The following CSMD1 variants were observed in gnomAD, a reference collection of about 807,000 sequenced individuals.
CSMD1 encodes CUB and sushi domain-containing protein 1.
Under a neutral mutation model 417.5 loss-of-function variants are expected in CSMD1, and 213 were observed. The ratio of observed to expected loss-of-function variants is 0.51; its 90% CI spans 0.46 to 0.57. The LOEUF (loss-of-function observed/expected upper bound fraction) is 0.57, where lower values mean the gene tolerates loss of function less well. Ranked by LOEUF, CSMD1 falls within the 20% of genes least tolerant of loss-of-function variation. The pLI is 0.00. For missense variants in CSMD1, 6,923 were observed against 4,529.7 expected (o/e 1.53, Z -15.17); for synonymous variants, 2,862 against 1,736.8 (o/e 1.65, Z -16.11).
intron 3 of CSMD1, among the ~76,000 whole-genome samples, chr8:4,400,675 T>C (rs1364098212): frequency 2.0e-5 from 3 of 152,158 alleles, no homozygotes; most frequent in Non-Finnish European, 4.4e-5. Context: ...TTTTAGGCCG[T>C]TCAGGCTAAT....
chr8:3,704,137 G>A (rs1184405033), intron 7 of CSMD1, among the ~76,000 whole-genome samples: 1 of 152,100 alleles, frequency 6.6e-6, no homozygotes, highest in Non-Finnish European at 1.5e-5. Flanking sequence ...CCATCACTGT[G>A]GCAGAAGAAA....
chr8:4,752,280 A>C (rs368173982), intron 1 of CSMD1, among the ~76,000 whole-genome samples: 8 of 152,172 alleles, frequency 5.3e-5, no homozygotes, highest in African/African-American at 1.9e-4. Flanking sequence ...AATTTCATTT[A>C]TGAGCATTTA....
intron 5 of CSMD1, among the ~76,000 whole-genome samples, chr8:3,812,823 G>C (rs1431658641): frequency 6.6e-6 from 1 of 152,098 alleles, no homozygotes; most frequent in Non-Finnish European, 1.5e-5. Context: ...AGGTTGCTAG[G>C]AGTTTTGAAA....
intron 1 of CSMD1, among the ~76,000 whole-genome samples, chr8:4,973,165 C>A (rs1322446527): frequency 6.6e-6 from 1 of 152,084 alleles, no homozygotes; most frequent in African/African-American, 2.4e-5. Flanking sequence ...TATCCAATAT[C>A]TTGCAGAACA....
chr8:3,427,113 G>A (rs773593028), intron 12 of CSMD1, among the ~76,000 whole-genome samples: 1 of 152,130 alleles, frequency 6.6e-6, no homozygotes, highest in Non-Finnish European at 1.5e-5. Flanking sequence ...CACTCTACTT[G>A]GCCTCTCCTT....
At chr8:4,232,145 T>C (rs1484041006) in intron 3 of CSMD1, among the ~76,000 whole-genome samples, 1 of 152,230 alleles carries the variant, frequency 6.6e-6, no homozygotes, top group Non-Finnish European at 1.5e-5. Flanking sequence ...TAGTTTCCTT[T>C]TCTAAACTTC....
intron 2 of CSMD1, among the ~76,000 whole-genome samples, chr8:4,459,309 G>T (rs964998681): frequency 6.6e-6 from 1 of 152,184 alleles, no homozygotes; most frequent in Non-Finnish European, 1.5e-5. Context: ...ATAAGGTGAA[G>T]GTTCTATGCC....
intron 1 of CSMD1, among the ~76,000 whole-genome samples, chr8:4,938,875 G>A (rs763035682): frequency 3.0e-4 from 45 of 152,268 alleles, no homozygotes; most frequent in Non-Finnish European, 6.0e-4. Flanking sequence ...GTTTTAATTT[G>A]CATTTTCCTG....
chr8:3,367,303 C>A, intron 19 of CSMD1, 56 bp from the exon 20 acceptor site: 1 of 1,226,080 alleles, frequency 8.2e-7, no homozygotes, highest in East Asian at 2.5e-5. Flanking sequence ...CACGGGGCGG[C>A]GGGGGCAGAG....
At chr8:4,415,424 G>C (rs553649242) in intron 3 of CSMD1, among the ~76,000 whole-genome samples, 1 of 151,974 alleles carries the variant, frequency 6.6e-6, no homozygotes. Context: ...GGCATTTAGC[G>C]CACGTGCTTT....
At chr8:4,115,489 T>A (rs1802086476) in intron 3 of CSMD1, among the ~76,000 whole-genome samples, 2 of 152,326 alleles carry the variant, frequency 1.3e-5, no homozygotes, top group South Asian at 4.1e-4. Context: ...GACGTATTTT[T>A]TTACAACTAA....
At chr8:4,633,413 A>T (rs1802648405) in intron 2 of CSMD1, among the ~76,000 whole-genome samples, 1 of 150,028 alleles carries the variant, frequency 6.7e-6, no homozygotes, top group African/African-American at 2.5e-5. Context: ...CGCCCAGCTA[A>T]TTTTTTTTTG....
chr8:4,888,735 C>T (rs986249543), intron 1 of CSMD1, among the ~76,000 whole-genome samples: 1 of 151,978 alleles, frequency 6.6e-6, no homozygotes, highest in Admixed American at 6.6e-5. Flanking sequence ...GCAGGCCAAG[C>T]CTGGGATATG....
intron 3 of CSMD1, among the ~76,000 whole-genome samples, chr8:4,373,730 G>T (rs775073082): frequency 2.6e-5 from 4 of 152,070 alleles, no homozygotes; most frequent in Non-Finnish European, 4.4e-5. Flanking sequence ...TTCCCTCCGG[G>T]GAAGGAACAC....
At chr8:3,082,902 C>T (rs1286335827) in intron 49 of CSMD1, among the ~76,000 whole-genome samples, 1 of 152,246 alleles carries the variant, frequency 6.6e-6, no homozygotes, top group South Asian at 2.1e-4. Context: ...TCTCATGTCC[C>T]AGCTTTATAT....
rs1246145317 is a variant in CSMD1 at position 4,402,978 on chromosome 8, C to T, written c.415+16975G>A. Among the ~76,000 whole-genome samples the T allele has an allele frequency of 3.3e-5, 5 of 151,828 alleles. No homozygotes were observed. In the South Asian group the frequency reaches 1.0e-3, roughly 32 times the overall value. ...GGGACTACAGGTACCTGCCACCATG[C>T]CTGGCTAATTTTCTTTTGTTGTTGT... On this transcript the variant is annotated intron_variant, in intron 3 of 69. Transcript: ENST00000635120.
At chr8:4,255,713 A>T (rs1803410146) in intron 3 of CSMD1, among the ~76,000 whole-genome samples, 1 of 152,210 alleles carries the variant, frequency 6.6e-6, no homozygotes, top group Non-Finnish European at 1.5e-5. Flanking sequence ...AGGCACTGTG[A>T]GTTATTTCTA....
chr8:4,664,682 G>C (rs1205908534), intron 1 of CSMD1, among the ~76,000 whole-genome samples: 1 of 152,108 alleles, frequency 6.6e-6, no homozygotes, highest in Non-Finnish European at 1.5e-5. Flanking sequence ...AACAGGTTGG[G>C]AGCCATACAC....
At chr8:4,584,784 G>C (rs1268709401) in intron 2 of CSMD1, among the ~76,000 whole-genome samples, 4 of 152,144 alleles carry the variant, frequency 2.6e-5, no homozygotes, top group South Asian at 4.1e-4. Flanking sequence ...TCCTCTCTGA[G>C]GTTAGGCCCG....
Sources: gnomAD v4.1 joint callset for allele counts (sites outside exome capture counted in the v4.1 genomes callset) on GRCh38, gnomAD v4.1.1 for gene constraint, MANE v1.5 for transcripts, NCBI Gene and HGNC (gene_info 2026-07-23, HGNC 2026-07-21) for gene names.